BST1: variants seen among roughly 807,000 people sequenced by gnomAD.
BST1 encodes the protein bone marrow stromal cell antigen 1.
A neutral mutation model predicts 40.6 loss-of-function variants in BST1; 49 were observed. That is an observed-to-expected ratio of 1.21 (90% CI 0.96 to 1.53). The LOEUF is 1.53. Ranked by LOEUF, BST1 falls within the 40% of genes most tolerant of loss-of-function variation. The pLI, the probability that BST1 is intolerant of heterozygous loss-of-function variation, is 0.00. For synonymous variants in BST1, 157 were observed against 159.3 expected (o/e 0.99, Z 0.11); for missense variants, 423 against 395.9 (o/e 1.07, Z -0.58).
the BST1 span, among the ~76,000 whole-genome samples, chr4:15,746,965 G>A: frequency 6.6e-6 from 1 of 152,212 alleles, no homozygotes; most frequent in Admixed American, 6.5e-5. Context: ...GCCATCAGAA[G>A]ATCTGAGTAT....
downstream of BST1, among the ~76,000 whole-genome samples, chr4:15,739,813 G>A (rs951995445): frequency 1.3e-5 from 2 of 152,052 alleles, no homozygotes; most frequent in Non-Finnish European, 2.9e-5. Context: ...TCAGAGTGAA[G>A]TCATTGTTCA....
intron 6 of BST1, among the ~76,000 whole-genome samples, chr4:15,717,726 T>A (rs1720589145): frequency 6.6e-6 from 1 of 152,042 alleles, no homozygotes; most frequent in Admixed American, 6.6e-5. Flanking sequence ...ACCAAGACAG[T>A]TGTAGGTAAA....
the BST1 span, among the ~76,000 whole-genome samples, chr4:15,761,848 C>T: frequency 1.4e-4 from 21 of 152,022 alleles, 1 homozygote; most frequent in African/African-American, 4.4e-4. Context: ...AATGAGTGAG[C>T]TTTTGTTACA....
chr4:15,760,837 C>T, the BST1 span, among the ~76,000 whole-genome samples: 1 of 150,524 alleles, frequency 6.6e-6, no homozygotes, highest in South Asian at 2.1e-4. Context: ...CACAGGTGTG[C>T]ACCACCACGC....
chr4:15,734,403 G>C (rs1370838121), downstream of BST1, among the ~76,000 whole-genome samples: 1 of 152,112 alleles, frequency 6.6e-6, no homozygotes, highest in African/African-American at 2.4e-5. Flanking sequence ...AAATGTGTAA[G>C]AGATAAAATA....
intron 6 of BST1, among the ~76,000 whole-genome samples, chr4:15,716,094 G>A (rs1045174187): frequency 2.6e-5 from 4 of 151,996 alleles, no homozygotes; most frequent in African/African-American, 9.7e-5. Flanking sequence ...CATTTGTGAG[G>A]GTCTAAGCCA....
chr4:15,707,495 G>C lies in BST1; in HGVS notation c.316-16G>C, dbSNP rs747794785. On this transcript the variant is annotated splice_polypyrimidine_tract_variant and intron_variant, in intron 2 of 8. Coordinates refer to ENST00000265016, the MANE Select transcript of BST1 (RefSeq NM_004334.3). ...ATTCTGTTTTGTATTTTGATGTTTT[G>C]TTTGTCTTTCCTTAGTCCCTGTTCT... 7 of 1,577,212 alleles carry C rather than the reference G, an allele frequency of 4.4e-6. No homozygotes were observed. Among genetic ancestry groups the C allele is most frequent in the Non-Finnish European group, 6.1e-6 (7 of 1,155,004 alleles).
chr4:15,711,864 C>G lies in BST1; in HGVS notation c.509C>G (p.Ser170Cys). The G allele has an allele frequency of 1.2e-6, 2 of 1,614,032 alleles. No individual in the cohort carries two copies. Among genetic ancestry groups the G allele is most frequent in the Non-Finnish European group, 8.5e-7 (1 of 1,179,948 alleles). ...GACTGTGAAAATAATCCTGTGGATT[C>G]CTTTTGGAAAAGGGCATCCATCCAG... ...SEDCENNPVDSFWKRASIQYS... is the reference protein window; with the variant it reads ...SEDCENNPVDCFWKRASIQYS... Residue 170 changes from serine to cysteine, a missense_variant, in exon 4 of 9, where the codon TCC becomes TGC. Transcript: ENST00000265016.
intron 8 of BST1, among the ~76,000 whole-genome samples, chr4:15,729,068 A>G (rs1721258887): frequency 6.6e-6 from 1 of 152,250 alleles, no homozygotes; most frequent in Non-Finnish European, 1.5e-5. Context: ...TATTAGGTTT[A>G]CTACAATCAA....
chr4:15,724,909 A>T (rs1478294357), intron 8 of BST1, among the ~76,000 whole-genome samples: 1 of 152,146 alleles, frequency 6.6e-6, no homozygotes, highest in African/African-American at 2.4e-5. Context: ...CTTGAAAGGA[A>T]GGGACTTACA....
chr4:15,772,680 T>A, the BST1 span, among the ~76,000 whole-genome samples: 1 of 152,138 alleles, frequency 6.6e-6, no homozygotes, highest in South Asian at 2.1e-4. Context: ...TGTACAACAA[T>A]TTGCAGATCG....
intron 8 of BST1, among the ~76,000 whole-genome samples, chr4:15,729,953 C>G (rs952058307): frequency 6.6e-6 from 1 of 152,126 alleles, no homozygotes; most frequent in Admixed American, 6.5e-5. Flanking sequence ...ATTAGTGTAT[C>G]TAATTATGTG....
chr4:15,710,928 T>G (rs190110893), intron 3 of BST1, among the ~76,000 whole-genome samples: 10 of 152,228 alleles, frequency 6.6e-5, no homozygotes, highest in African/African-American at 2.2e-4. Context: ...TAGCTGGGAC[T>G]ACAGATGCGT....
the BST1 span, among the ~76,000 whole-genome samples, chr4:15,759,259 G>A: frequency 6.6e-5 from 10 of 152,096 alleles, no homozygotes; most frequent in East Asian, 1.9e-4. Context: ...ATTTCTGGGC[G>A]AAAGAAGATG....
chr4:15,754,050 G>T, the BST1 span, among the ~76,000 whole-genome samples: 3 of 152,202 alleles, frequency 2.0e-5, no homozygotes, highest in Non-Finnish European at 2.9e-5. Flanking sequence ...GAGCCAAAGG[G>T]AGAGGCTGGA....
chr4:15,748,163 A>T, the BST1 span, among the ~76,000 whole-genome samples: 1 of 152,212 alleles, frequency 6.6e-6, no homozygotes, highest in Non-Finnish European at 1.5e-5. Flanking sequence ...TTATCAGTCC[A>T]ACACCATTCT....
At chr4:15,762,278 T>G in the BST1 span, among the ~76,000 whole-genome samples, 1 of 145,476 alleles carries the variant, frequency 6.9e-6, no homozygotes, top group Non-Finnish European at 1.5e-5. Context: ...TATACAACTT[T>G]CTTTTATACA....
chr4:15,771,880 T>G, the BST1 span, among the ~76,000 whole-genome samples: 7 of 152,212 alleles, frequency 4.6e-5, no homozygotes, highest in Admixed American at 4.6e-4. Context: ...ATTCTAGGGG[T>G]CATCTAAAAG....
At chr4:15,709,533 G>A (rs570483795) in intron 3 of BST1, among the ~76,000 whole-genome samples, 1 of 152,338 alleles carries the variant, frequency 6.6e-6, no homozygotes, top group East Asian at 1.9e-4. Flanking sequence ...TGATGCTGCA[G>A]AGGGTGGGGA....
Sources: gnomAD v4.1 joint callset for allele counts (sites outside exome capture counted in the v4.1 genomes callset) on GRCh38, gnomAD v4.1.1 for gene constraint, MANE v1.5 for transcripts, NCBI Gene and HGNC (gene_info 2026-07-23, HGNC 2026-07-21) for gene names.